CASP8: variants seen among roughly 807,000 people sequenced by gnomAD.
CASP8 encodes caspase 8.
In CASP8, 24 loss-of-function variants were observed where a neutral mutation model predicts 46.3. The observed-to-expected ratio is 0.52, with a 90% CI of 0.38 to 0.73. The LOEUF (loss-of-function observed/expected upper bound fraction) is 0.73. Among genes scored for constraint, CASP8 ranks in the 30% least tolerant of loss-of-function variants. The probability of loss-of-function intolerance (pLI) is 0.00; values close to 1 mark genes in which losing one functional copy is unlikely to be tolerated. For missense variants in CASP8, 460 were observed against 559.0 expected (o/e 0.82, Z 1.79); for synonymous variants, 188 against 200.4 (o/e 0.94, Z 0.52).
rs1362719161 is a variant in CASP8, at chr2:201,286,673, T to C, written c.*79T>C. ...CTCTGTCGCCCAGGCTGGAGTGCAG[T>C]GGCGTGATCTCGGCTCACCGCAAGC... On this transcript the variant is annotated 3_prime_UTR_variant, in exon 9 of 9. Coordinates refer to ENST00000673742, the MANE Select transcript of CASP8 (RefSeq NM_001372051.1). 2.4e-6 allele frequency: 3 copies of C among 1,276,148 alleles called. No individual in the cohort carries two copies. The highest frequency in any genetic ancestry group is 1.5e-5 in the African/African-American group (1 of 67,260). 79.1% of individuals were successfully genotyped at this position (1,276,148 alleles called of 1,614,324 possible).
At chr2:201,263,501 A>G (rs1947572814) in intron 1 of CASP8, among the ~76,000 whole-genome samples, 1 of 152,250 alleles carries the variant, frequency 6.6e-6, no homozygotes, top group African/African-American at 2.4e-5. Context: ...ATGTGTATGC[A>G]TAAAATATTT....
intron 2 of CASP8, among the ~76,000 whole-genome samples, chr2:201,254,081 C>CAA (rs11418268): frequency 1.2e-3 from 166 of 134,754 alleles, no homozygotes; most frequent in South Asian, 4.1e-3. Context: ...AACTCCATCT[C>CAA]AAAAAAAAAA....
chr2:201,238,144 A>G (rs1946135659), intron 2 of CASP8, among the ~76,000 whole-genome samples: 2 of 152,194 alleles, frequency 1.3e-5, no homozygotes, highest in Non-Finnish European at 2.9e-5. Flanking sequence ...GGGGTAACAA[A>G]TAACAAGGGA....
At chr2:201,283,558 C>A (rs1269137639) in intron 7 of CASP8, among the ~76,000 whole-genome samples, 199 of 81,934 alleles carry the variant, frequency 2.4e-3, no homozygotes, top group South Asian at 5.4e-3. Context: ...GGGCGGCTGG[C>A]CGGGCGGGGG....
intron 2 of CASP8, among the ~76,000 whole-genome samples, chr2:201,244,665 C>T (rs1946434719): frequency 6.6e-6 from 1 of 152,182 alleles, no homozygotes; most frequent in Non-Finnish European, 1.5e-5. Flanking sequence ...TTAGAAGCCT[C>T]AAGTTGATAG....
rs772151801 is a variant in CASP8 at position 201,266,579 on chromosome 2, G to T, written c.93G>T (p.Pro31=). 8 of 1,614,044 alleles carry T rather than the reference G, an allele frequency of 5.0e-6. No individual in the cohort carries two copies. Among genetic ancestry groups the T allele is most frequent in the Non-Finnish European group, 6.8e-6 (8 of 1,180,012 alleles). ...SLKFLSLDYI[P]QRKQEPIKDA... is the part of the protein sequence containing the mutation. ...AGTTCCTGAGCCTGGACTACATTCC[G>T]CAAAGGAAGCAAGAACCCATCAAGG... The change falls in exon 2 of 9, where the codon CCG becomes CCT. Residue 31 remains proline (P), a synonymous_variant. Transcript: ENST00000673742. This position sits in a 1 kb window ranked among gnomAD's most constrained non-coding sequence, Gnocchi z 5.7.
chr2:201,267,670 T>A (rs1947919900), intron 2 of CASP8, among the ~76,000 whole-genome samples: 1 of 152,218 alleles, frequency 6.6e-6, no homozygotes, highest in East Asian at 1.9e-4. Flanking sequence ...TGTCACTTTC[T>A]CTCTTTCAAC....
chr2:201,277,649 A>G (rs530471196), intron 7 of CASP8: 1 of 396,860 alleles, frequency 2.5e-6, no homozygotes, highest in South Asian at 1.8e-5. Flanking sequence ...AAGTTTAGAA[A>G]ATTAATGTAG....
At chr2:201,273,145 C>T (rs1948399898) in intron 5 of CASP8, among the ~76,000 whole-genome samples, 1 of 151,804 alleles carries the variant, frequency 6.6e-6, no homozygotes, top group African/African-American at 2.4e-5. Flanking sequence ...GCAATCTCCG[C>T]CTCCCAGGTT....
chr2:201,281,820 TC>T (rs1949037261), intron 7 of CASP8: 2 of 1,432,018 alleles, frequency 1.4e-6, no homozygotes, highest in Admixed American at 4.2e-5. Context: ...CTCTCCTTTC[TC>T]ATTTGCTTCA....
intron 2 of CASP8, among the ~76,000 whole-genome samples, chr2:201,254,443 G>A (rs903454197): frequency 6.6e-6 from 1 of 152,238 alleles, no homozygotes; most frequent in African/African-American, 2.4e-5. Context: ...GCCACGCTCT[G>A]GAGGAGGAGT....
intron 2 of CASP8, among the ~76,000 whole-genome samples, chr2:201,244,667 A>G (rs190684628): frequency 2.0e-5 from 3 of 152,340 alleles, no homozygotes; most frequent in East Asian, 3.9e-4. Context: ...AGAAGCCTCA[A>G]GTTGATAGTG....
upstream of CASP8, among the ~76,000 whole-genome samples, chr2:201,259,367 T>A (rs1947227170): frequency 6.6e-6 from 1 of 152,076 alleles, no homozygotes; most frequent in Non-Finnish European, 1.5e-5. Flanking sequence ...ATAGAGATGG[T>A]GTCTCATTTT....
chr2:201,261,038 C>T (rs967056629), intron 1 of CASP8, among the ~76,000 whole-genome samples: 4 of 152,202 alleles, frequency 2.6e-5, no homozygotes, highest in African/African-American at 7.2e-5. Flanking sequence ...CATAAACGCA[C>T]ACACACATAC....
intron 2 of CASP8, among the ~76,000 whole-genome samples, chr2:201,236,798 G>C (rs1224643227): frequency 1.3e-5 from 2 of 152,182 alleles, no homozygotes; most frequent in Non-Finnish European, 2.9e-5. Context: ...TAGAGATGGA[G>C]TTTCATCATG....
At chr2:201,237,442 A>G (rs1171837025) in intron 2 of CASP8, among the ~76,000 whole-genome samples, 1 of 150,050 alleles carries the variant, frequency 6.7e-6, no homozygotes, top group African/African-American at 2.4e-5. Flanking sequence ...TCAGAGTAAA[A>G]AAAAAAAAAA....
rs771481495 is a variant in CASP8, at chr2:201,284,841, GCTT to G, written c.830_832del (p.Leu277del). On this transcript the variant is annotated inframe_deletion, in exon 8 of 9. Coordinates refer to ENST00000673742, the MANE Select transcript of CASP8 (RefSeq NM_001372051.1). ...GGGCTTTGACCACGACCTTTGAAGAGCTTCATTTTGAGATCAAGCCCCACGATG... is the reference window on the plus strand; with the variant it reads ...GGGCTTTGACCACGACCTTTGAAGAGCATTTTGAGATCAAGCCCCACGATG... 1 of 1,614,112 alleles carries G rather than the reference GCTT, an allele frequency of 6.2e-7. No individual in the cohort carries two copies. Among genetic ancestry groups the G allele is most frequent in the Admixed American group, 1.7e-5 (1 of 60,008 alleles).
intron 2 of CASP8, among the ~76,000 whole-genome samples, chr2:201,251,860 T>G (rs7589037): frequency 0.12 from 18,543 of 151,576 alleles, 1,531 homozygotes; most frequent in South Asian, 0.29. Flanking sequence ...AAGATCACAC[T>G]TGCCGTTGCA....
At chr2:201,236,772 AT>A (rs1946065894) in intron 2 of CASP8, among the ~76,000 whole-genome samples, 1 of 152,060 alleles carries the variant, frequency 6.6e-6, no homozygotes, top group African/African-American at 2.4e-5. Context: ...CACCTAGTTA[AT>A]TTTTGCATTT....
Sources: allele counts gnomAD v4.1 joint callset (sites outside exome capture counted in the v4.1 genomes callset), GRCh38; gene constraint gnomAD v4.1.1; non-coding constraint Gnocchi (gnomAD v3.1); transcripts MANE v1.5; gene names NCBI Gene and HGNC (gene_info 2026-07-23, HGNC 2026-07-21).